NWD2: variants seen among roughly 807,000 people sequenced by gnomAD.
NWD2 encodes the protein NACHT and WD repeat domain containing 2.
In NWD2, 37 loss-of-function variants were observed where a neutral mutation model predicts 132.7. The ratio of observed to expected loss-of-function variants is 0.28; its 90% CI spans 0.21 to 0.37. The LOEUF (loss-of-function observed/expected upper bound fraction) is 0.37. Ranked by LOEUF, NWD2 falls within the 10% of genes least tolerant of loss-of-function variation. The pLI, the probability that NWD2 is intolerant of heterozygous loss-of-function variation, is 1.00. For synonymous variants in NWD2, 705 were observed against 803.0 expected, an observed-to-expected ratio of 0.88 and a Z score of 2.06; for missense variants, 1,592 against 2,122.4, an observed-to-expected ratio of 0.75 and a Z score of 4.91.
At chr4:37,369,174 A>G (rs1720165812) in intron 3 of NWD2, among the ~76,000 whole-genome samples, 1 of 152,224 alleles carries the variant, frequency 6.6e-6, no homozygotes, top group Admixed American at 6.5e-5. Context: ...GGAGAAACTT[A>G]TGATCCAAAA....
intron 3 of NWD2, among the ~76,000 whole-genome samples, chr4:37,383,905 A>G (rs1198864789): frequency 6.6e-6 from 1 of 152,072 alleles, no homozygotes; most frequent in Non-Finnish European, 1.5e-5. Flanking sequence ...TTTCTGATCT[A>G]GTAACAGATT....
At chr4:37,413,809 A>G (rs901707059) in intron 3 of NWD2, among the ~76,000 whole-genome samples, 2 of 152,244 alleles carry the variant, frequency 1.3e-5, no homozygotes, top group Non-Finnish European at 2.9e-5. Context: ...GGATGAGTCC[A>G]TGTCCTTTGC....
intron 3 of NWD2, among the ~76,000 whole-genome samples, chr4:37,394,800 T>TTTG (rs1720748457): frequency 2.7e-5 from 1 of 36,860 alleles, no homozygotes; most frequent in African/African-American, 1.1e-4. Context: ...ACCTTTATGG[T>TTTG]TTTTTTTTTT....
rs1473851324 is a variant in NWD2 at position 37,445,183 on chromosome 4, A to G, written c.3195A>G (p.Thr1065=). 3 of 1,551,900 alleles carry G rather than the reference A, an allele frequency of 1.9e-6. No individual in the cohort carries two copies. The highest frequency in any genetic ancestry group is 2.4e-5 in the South Asian group (2 of 84,060). Residue 1065 remains threonine, a synonymous_variant, in exon 7 of 7, where the codon ACA becomes ACG. Transcript: ENST00000309447. This position sits in a 1 kb window ranked among gnomAD's most constrained non-coding sequence, Gnocchi z 4.7. ...GCGCCACCTACATCAATGGATTTAC[A>G]CTGTCCGCCAACCACGCCCTTGCAT... ...GSSATYINGF[T]LSANHALAWL... is the part of the protein sequence containing the mutation.
intron 2 of NWD2, among the ~76,000 whole-genome samples, chr4:37,348,675 T>TATATATATACACACAC (rs1308407988): frequency 8.9e-5 from 2 of 22,574 alleles, no homozygotes; most frequent in Non-Finnish European, 1.5e-4. Flanking sequence ...TATATATATA[T>TATATATATACACACAC]ACACACACAC....
rs1027553692 is a variant in NWD2 at position 37,444,082 on chromosome 4, C to T, written c.2094C>T (p.Ser698=). The change falls in exon 7 of 7, where the codon AGC becomes AGT. Residue 698 remains serine (S), a synonymous_variant. Coordinates refer to ENST00000309447, the MANE Select transcript of NWD2 (RefSeq NM_001144990.2). This position sits in a 1 kb window ranked among gnomAD's most constrained non-coding sequence, Gnocchi z 4.8. ...MSELKENTRP[S]NPLRVPYLYI... Reference sequence around the variant, plus strand: ...AGCTCAAAGAAAACACCAGACCCAGCAATCCCCTGAGAGTACCTTACTTGT... The same window carrying T: ...AGCTCAAAGAAAACACCAGACCCAGTAATCCCCTGAGAGTACCTTACTTGT... 15 of 1,551,714 alleles carry T rather than the reference C, an allele frequency of 9.7e-6. No individual in the cohort carries two copies. Among genetic ancestry groups the T allele is most frequent in the Non-Finnish European group, 1.3e-5 (15 of 1,147,002 alleles).
intron 2 of NWD2, among the ~76,000 whole-genome samples, chr4:37,338,964 T>G (rs1475100317): frequency 6.6e-6 from 1 of 152,258 alleles, no homozygotes; most frequent in Non-Finnish European, 1.5e-5. Flanking sequence ...CATTGTCAAG[T>G]AACTGATCAT....
At chr4:37,432,228 C>T (rs530196576) in intron 4 of NWD2, among the ~76,000 whole-genome samples, 1 of 152,200 alleles carries the variant, frequency 6.6e-6, no homozygotes, top group South Asian at 2.1e-4. Context: ...TCCTCTACAG[C>T]TTCTAATTCT....
intron 1 of NWD2, among the ~76,000 whole-genome samples, chr4:37,261,107 C>A (rs1356408688): frequency 3.3e-5 from 5 of 152,164 alleles, no homozygotes; most frequent in Admixed American, 3.3e-4. Flanking sequence ...ATGCTTGGCA[C>A]AATGAGCTTT....
chr4:37,350,829 A>G (rs1164353091), intron 2 of NWD2, among the ~76,000 whole-genome samples: 2 of 152,220 alleles, frequency 1.3e-5, no homozygotes, highest in Admixed American at 1.3e-4. Flanking sequence ...TTTGTCATAA[A>G]TAGCTCTCAT....
chr4:37,388,269 C>T lies in NWD2; in HGVS notation c.357+31787C>T, dbSNP rs964987217. On this transcript the variant is annotated intron_variant, in intron 3 of 6. Coordinates refer to ENST00000309447, the MANE Select transcript of NWD2 (RefSeq NM_001144990.2). ...TGCAACCTCAGGTCCCTGCAACCTC[C>T]GCCTCCCAGGTTCAAGCTACCCTCC... Among the ~76,000 whole-genome samples the T allele has an allele frequency of 1.1e-4, 16 of 151,836 alleles. 1 individual carries two copies. Among genetic ancestry groups the T allele is most frequent in the Admixed American group, 5.3e-4 (8 of 15,230 alleles).
At chr4:37,359,469 C>T (rs1404501767) in intron 3 of NWD2, among the ~76,000 whole-genome samples, 1 of 152,084 alleles carries the variant, frequency 6.6e-6, no homozygotes, top group Non-Finnish European at 1.5e-5. Context: ...TTTTAAGCTC[C>T]AGTTTCCTCG....
chr4:37,412,718 T>C (rs1254443132), intron 3 of NWD2, among the ~76,000 whole-genome samples: 1 of 152,180 alleles, frequency 6.6e-6, no homozygotes, highest in Non-Finnish European at 1.5e-5. Flanking sequence ...TCATGCTACC[T>C]GACTTCAAAA....
At chr4:37,246,855 AT>A (rs55847531) in intron 1 of NWD2, among the ~76,000 whole-genome samples, 21,995 of 152,096 alleles carry the variant, frequency 0.14, 1,903 homozygotes, top group Admixed American at 0.22. Context: ...AATATGTGTA[AT>A]TTTTTTCTTG....
At chr4:37,413,666 G>T (rs923095551) in intron 3 of NWD2, among the ~76,000 whole-genome samples, 1 of 152,146 alleles carries the variant, frequency 6.6e-6, no homozygotes, top group Non-Finnish European at 1.5e-5. Context: ...AAAGACACAT[G>T]CACACATATG....
At chr4:37,421,394 T>C (rs1711803885) in intron 3 of NWD2, among the ~76,000 whole-genome samples, 1 of 152,214 alleles carries the variant, frequency 6.6e-6, no homozygotes, top group African/African-American at 2.4e-5. Context: ...CCCTTTGTTC[T>C]GATATTTCTA....
At chr4:37,423,676 T>C (rs1248186614) in intron 3 of NWD2, among the ~76,000 whole-genome samples, 2 of 152,214 alleles carry the variant, frequency 1.3e-5, no homozygotes, top group African/African-American at 4.8e-5. Flanking sequence ...GGCCATCTGC[T>C]TTACTCAGTC....
intron 1 of NWD2, among the ~76,000 whole-genome samples, chr4:37,270,116 C>A (rs1717836479): frequency 6.6e-6 from 1 of 151,636 alleles, no homozygotes. Flanking sequence ...TATATATCTT[C>A]TTCTGAGGTA....
chr4:37,340,998 G>A (rs13340226), intron 2 of NWD2, among the ~76,000 whole-genome samples: 54,436 of 151,998 alleles, frequency 0.36, 10,540 homozygotes, highest in Admixed American at 0.52. Flanking sequence ...ATACAGCCTC[G>A]TTTGTTCTCA....
Sources: allele counts gnomAD v4.1 joint callset (sites outside exome capture counted in the v4.1 genomes callset), GRCh38; gene constraint gnomAD v4.1.1; non-coding constraint Gnocchi (gnomAD v3.1); transcripts MANE v1.5; gene names NCBI Gene and HGNC (gene_info 2026-07-23, HGNC 2026-07-21).